The following RCC1L variants were observed in gnomAD, a reference collection of about 807,000 sequenced individuals.
RCC1L encodes RCC1-like G exchanging factor-like protein.
Under a neutral mutation model 58.6 loss-of-function variants are expected in RCC1L, and 46 were observed. The observed-to-expected ratio is 0.79, with a 90% CI of 0.62 to 1.00. RCC1L has a LOEUF of 1.00. RCC1L is among the 50% of genes least tolerant of loss of function. RCC1L has a pLI of 0.00. For synonymous variants in RCC1L, 281 were observed against 262.9 expected, an observed-to-expected ratio of 1.07 and a Z score of -0.67; for missense variants, 636 against 623.6, an observed-to-expected ratio of 1.02 and a Z score of -0.21.
At chr7:75,070,940 C>T (rs1458599363) in intron 1 of RCC1L, among the ~76,000 whole-genome samples, 171 bp from the exon 2 acceptor site, 1 of 152,086 alleles carries the variant, frequency 6.6e-6, no homozygotes, top group Non-Finnish European at 1.5e-5. Context: ...GTGGCGCAAT[C>T]TCGGCTCACT....
In RCC1L at chr7:75,061,309, G is replaced by GT; in HGVS notation, c.703-19dup. On this transcript the variant is annotated intron_variant, in intron 5 of 10. Transcript: ENST00000610322. ...CAGGCGACCTAGCAGACAAACAGAGGTAAGGGGGATGAGAGGAAATACTTA... is the reference window on the plus strand; with the variant it reads ...CAGGCGACCTAGCAGACAAACAGAGGTTAAGGGGGATGAGAGGAAATACTTA... The GT allele has an allele frequency of 1.2e-6, 2 of 1,610,448 alleles. No homozygotes were observed. The highest frequency in any genetic ancestry group is 1.7e-6 in the Non-Finnish European group (2 of 1,176,838).
chr7:75,061,169 A>C, intron 6 of RCC1L, 38 bp downstream of exon 6: 1 of 1,550,108 alleles, frequency 6.5e-7, no homozygotes, highest in South Asian at 1.1e-5. Flanking sequence ...ACACGGGCTG[A>C]GAAGTTTCAC....
intron 10 of RCC1L, among the ~76,000 whole-genome samples, chr7:75,036,116 CTTT>C (rs33924314): frequency 5.6e-5 from 7 of 125,088 alleles, no homozygotes; most frequent in Non-Finnish European, 6.7e-5. Flanking sequence ...CAAAGTCACT[CTTT>C]TTTTTTTTTT....
chr7:75,063,127 G>T (rs1806328040), intron 5 of RCC1L, among the ~76,000 whole-genome samples, 165 bp downstream of exon 5: 1 of 152,028 alleles, frequency 6.6e-6, no homozygotes. Context: ...TGTATCCCTA[G>T]AATCTAGCAT....
downstream of RCC1L, among the ~76,000 whole-genome samples, chr7:75,038,164 C>T (rs1805469268): frequency 1.3e-5 from 2 of 152,234 alleles, no homozygotes. Context: ...TCATGGCCAT[C>T]TCTGAAAGGG....
intron 5 of RCC1L, 88 bp downstream of exon 5, chr7:75,063,204 A>G: frequency 7.3e-7 from 1 of 1,360,634 alleles, no homozygotes; most frequent in Non-Finnish European, 1.1e-6. Flanking sequence ...AAATCCCCCT[A>G]ACAAATTTGC....
chr7:75,046,625 C>T (rs975078855), intron 10 of RCC1L, among the ~76,000 whole-genome samples: 13 of 152,332 alleles, frequency 8.5e-5, no homozygotes, highest in Non-Finnish European at 1.9e-4. Flanking sequence ...GAGGAGACTG[C>T]CCTCAGCCAT....
chr7:75,037,328 G>C (rs1412159418), downstream of RCC1L, among the ~76,000 whole-genome samples: 2 of 152,108 alleles, frequency 1.3e-5, no homozygotes, highest in South Asian at 2.1e-4. Flanking sequence ...GGGATTACAG[G>C]CATGTGCCAA....
chr7:75,028,040 G>C, exon 11 of RCC1L: 5 of 1,534,824 alleles, frequency 3.3e-6, no homozygotes, highest in Non-Finnish European at 4.4e-6. Flanking sequence ...AATCAGAGGA[G>C]TGGGCCTGTT....
Position 75,057,756 on chromosome 7 carries a change from C to T in RCC1L, c.970-140G>A, listed in dbSNP as rs1584497268. The T allele has an allele frequency of 1.2e-4, 98 of 792,502 alleles. 2 individuals carry two copies. The East Asian group carries it at 2.6e-3, about 21-fold the overall frequency. The allele number at this position is 792,502 out of a possible 1,614,324, so 49.1% of individuals were successfully genotyped here. On this transcript the variant is annotated intron_variant, in intron 7 of 10. Coordinates refer to ENST00000610322, the MANE Select transcript of RCC1L (RefSeq NM_030798.5). ...TACTTCCTGAACATCACATGCCAAG[C>T]ATCATACTAGGTGCTGGGGTAGAAT...
intron 10 of RCC1L, among the ~76,000 whole-genome samples, chr7:75,035,373 G>A (rs2131969644): frequency 6.6e-6 from 1 of 152,280 alleles, no homozygotes; most frequent in Admixed American, 6.5e-5. Context: ...AAAGCAGGCA[G>A]AAAGCCTGCC....
chr7:75,056,483 G>T, intron 8 of RCC1L: 1 of 1,466,486 alleles, frequency 6.8e-7, no homozygotes, highest in Non-Finnish European at 9.0e-7. Flanking sequence ...ACAATGTCTG[G>T]CCAGATTCTT....
rs1806503377 is a variant in RCC1L, at chr7:75,066,728, C to T, written c.519G>A (p.Glu173=). 1.2e-6 allele frequency: 2 copies of T among 1,613,556 alleles called. No individual in the cohort carries two copies. The highest frequency in any genetic ancestry group is 1.7e-6 in the Non-Finnish European group (2 of 1,179,800). The change falls in exon 3 of 11, where the codon GAG becomes GAA. Residue 173 remains glutamate (E), a synonymous_variant. Coordinates refer to ENST00000610322, the MANE Select transcript of RCC1L (RefSeq NM_030798.5). Reference sequence around the variant, plus strand: ...CGCAGGAGACCTGCAGCACCCGTGTCTCCTGAGGTCTGTCCAGAGGCAGGG... The same window carrying T: ...CGCAGGAGACCTGCAGCACCCGTGTTTCCTGAGGTCTGTCCAGAGGCAGGG... ...PVSLPLDRPQ[E]TRVLQVSCGR... is the part of the protein sequence containing the mutation.
intron 2 of RCC1L, among the ~76,000 whole-genome samples, chr7:75,068,719 A>G (rs1554445594): frequency 6.6e-6 from 1 of 152,132 alleles, no homozygotes; most frequent in African/African-American, 2.4e-5. Context: ...GATACAAAAT[A>G]AATGAAAAAA....
downstream of RCC1L, among the ~76,000 whole-genome samples, chr7:75,037,499 A>G (rs1450612218): frequency 7.5e-6 from 1 of 133,482 alleles, no homozygotes. Flanking sequence ...GCCATGGTTT[A>G]TATCTTTTTT....
At chr7:75,027,301 TTCCCCAGGCAAGA>T (rs1458046962) in exon 11 of RCC1L, 1 of 152,542 alleles carries the variant, frequency 6.6e-6, no homozygotes, top group African/African-American at 2.4e-5. Context: ...GCACCCCACT[TTCCCCAGGCAAGA>T]TCCCTGGGCG....
intron 10 of RCC1L, among the ~76,000 whole-genome samples, chr7:75,050,206 CG>C (rs1167081917): frequency 4.6e-5 from 7 of 152,112 alleles, no homozygotes; most frequent in African/African-American, 1.7e-4. Flanking sequence ...CACTTGAACC[CG>C]GAAGGTGGAG....
chr7:75,037,088 T>C (rs34337524), intron 10 of RCC1L, among the ~76,000 whole-genome samples: 20,765 of 152,152 alleles, frequency 0.14, 1,558 homozygotes, highest in South Asian at 0.19. Flanking sequence ...CAGCTGCCAC[T>C]TGCTACCAGA....
In RCC1L at chr7:75,072,182, A is replaced by G. The variant is rs1238090075; in HGVS notation, c.324+1232T>C. Among the ~76,000 whole-genome samples, 146 of 101,632 alleles carry G rather than the reference A, an allele frequency of 1.4e-3. 7 individuals are homozygous for G. Among genetic ancestry groups the G allele is most frequent in the African/African-American group, 4.6e-3 (135 of 29,250 alleles). The allele number at this position is 101,632 out of a possible 152,430, so 66.7% of individuals were successfully genotyped here. On this transcript the variant is annotated intron_variant, in intron 1 of 10. Coordinates refer to ENST00000610322, the MANE Select transcript of RCC1L (RefSeq NM_030798.5). ...TATACATATATATATATATATATATATATATATATGGAGAGAGAGAGAGAC... is the reference window on the plus strand; with the variant it reads ...TATACATATATATATATATATATATGTATATATATGGAGAGAGAGAGAGAC...
Sources: gnomAD v4.1 joint callset for allele counts (sites outside exome capture counted in the v4.1 genomes callset) on GRCh38, gnomAD v4.1.1 for gene constraint, MANE v1.5 for transcripts, NCBI Gene and HGNC (gene_info 2026-07-23, HGNC 2026-07-21) for gene names.